Variants in ADAMTS18 observed in about 807,000 individuals in gnomAD.
ADAMTS18 encodes the protein ADAM metallopeptidase with thrombospondin type 1 motif 18, also known as A disintegrin and metalloproteinase with thrombospondin motifs 18.
ADAMTS18 carries 157 observed loss-of-function variants against 165.9 expected under a neutral mutation model. The ratio of observed to expected loss-of-function variants is 0.95; its 90% CI spans 0.83 to 1.08. The LOEUF is 1.08. ADAMTS18 is among the 50% of genes least tolerant of loss of function. ADAMTS18 has a pLI of 0.00. For synonymous variants in ADAMTS18, 782 were observed against 578.2 expected, an observed-to-expected ratio of 1.35 and a Z score of -5.06; for missense variants, 2,040 against 1,534.0, an observed-to-expected ratio of 1.33 and a Z score of -5.51.
intron 18 of ADAMTS18, among the ~76,000 whole-genome samples, chr16:77,295,658 C>A (rs2055455841): frequency 6.6e-6 from 1 of 152,128 alleles, no homozygotes; most frequent in Admixed American, 6.5e-5. Flanking sequence ...GAGAGGGGTA[C>A]ATTTAGAGAA....
chr16:77,421,644 T>G (rs1253462089), intron 3 of ADAMTS18, among the ~76,000 whole-genome samples: 1 of 152,192 alleles, frequency 6.6e-6, no homozygotes, highest in Non-Finnish European at 1.5e-5. Context: ...ACAAGCCAGG[T>G]ATTAATGATG....
At chr16:77,434,273 C>G in intron 2 of ADAMTS18, 145 bp downstream of exon 2, 1 of 960,260 alleles carries the variant, frequency 1.0e-6, no homozygotes, top group South Asian at 1.6e-5. Context: ...CCAACCTTCC[C>G]CCCTCTCCAA....
chr16:77,295,005 CAG>C lies in ADAMTS18; in HGVS notation c.2922_2923del (p.Cys975SerfsTer40). ...GACCTGAGTGGGTGTGCTCACTGGA[CAG>C]AGAGAATGCAACACTGCTTCCTCCT... On this transcript the variant is annotated frameshift_variant, in exon 19 of 23. Coordinates refer to ENST00000282849, the MANE Select transcript of ADAMTS18 (RefSeq NM_199355.4). LOFTEE classifies it high-confidence loss of function. The C allele has an allele frequency of 1.9e-6, 3 of 1,614,122 alleles. No homozygotes were observed. Among genetic ancestry groups the C allele is most frequent in the Non-Finnish European group, 2.5e-6 (3 of 1,180,032 alleles).
intron 12 of ADAMTS18, among the ~76,000 whole-genome samples, chr16:77,327,278 C>T (rs1313990587): frequency 6.6e-6 from 1 of 152,062 alleles, no homozygotes; most frequent in African/African-American, 2.4e-5. Flanking sequence ...TTGTGCACCC[C>T]TCACCCGATC....
At chr16:77,363,275 T>A (rs990786923) in intron 6 of ADAMTS18, among the ~76,000 whole-genome samples, 2 of 152,176 alleles carry the variant, frequency 1.3e-5, no homozygotes, top group African/African-American at 2.4e-5. Flanking sequence ...CAAGGACAGT[T>A]AAATATCCCT....
intron 3 of ADAMTS18, among the ~76,000 whole-genome samples, chr16:77,387,687 T>C (rs181481140): frequency 2.6e-5 from 4 of 152,316 alleles, no homozygotes; most frequent in South Asian, 2.1e-4. Flanking sequence ...CAGCTGGATG[T>C]TGAGTTTTTT....
intron 22 of ADAMTS18, among the ~76,000 whole-genome samples, chr16:77,286,534 G>GTTTT (rs2055254790): frequency 6.6e-6 from 1 of 152,128 alleles, no homozygotes; most frequent in Non-Finnish European, 1.5e-5. Context: ...TTATTTCCCA[G>GTTTT]TTTTATGAAT....
chr16:77,311,091 A>G (rs1028883619), intron 16 of ADAMTS18, among the ~76,000 whole-genome samples: 1 of 150,860 alleles, frequency 6.6e-6, no homozygotes, highest in Non-Finnish European at 1.5e-5. Context: ...GATGTCATAC[A>G]TATGAAAGGG....
chr16:77,318,753 A>C (rs1355526748), intron 16 of ADAMTS18, among the ~76,000 whole-genome samples: 1 of 152,006 alleles, frequency 6.6e-6, no homozygotes, highest in Admixed American at 6.6e-5. Flanking sequence ...AAGTCTTTTA[A>C]TCTTTTTTTT....
At chr16:77,411,098 T>A (rs1302395846) in intron 3 of ADAMTS18, among the ~76,000 whole-genome samples, 9 of 152,224 alleles carry the variant, frequency 5.9e-5, no homozygotes, top group Non-Finnish European at 1.2e-4. Context: ...CAGAGTAGTA[T>A]GGCAGCAATG....
chr16:77,304,601 T>C (rs2055648333), intron 16 of ADAMTS18, among the ~76,000 whole-genome samples: 1 of 152,212 alleles, frequency 6.6e-6, no homozygotes, highest in African/African-American at 2.4e-5. Flanking sequence ...GTAAAATCCT[T>C]GAACTAAAGG....
chr16:77,369,560 C>CAA (rs2056847265), intron 3 of ADAMTS18, among the ~76,000 whole-genome samples: 1 of 152,152 alleles, frequency 6.6e-6, no homozygotes, highest in Admixed American at 6.5e-5. Context: ...AACAGAAAAT[C>CAA]TGAACAAACC....
In ADAMTS18 at chr16:77,284,000, A is replaced by C; in HGVS notation, c.3622T>G (p.Phe1208Val). The C allele has an allele frequency of 1.2e-6, 2 of 1,613,896 alleles. No homozygotes were observed. Among genetic ancestry groups the C allele is most frequent in the Non-Finnish European group, 1.7e-6 (2 of 1,179,910 alleles). The change falls in exon 23 of 23, where the codon TTT becomes GTT. Residue 1208 changes from phenylalanine (F) to valine (V), a missense_variant. Phe to Val is a conservative substitution (Grantham distance 50). Coordinates refer to ENST00000282849, the MANE Select transcript of ADAMTS18 (RefSeq NM_199355.4). Reference protein sequence around the residue: ...VPQHGVCNHKFYGKQCCKSCT... With the variant: ...VPQHGVCNHKVYGKQCCKSCT... ...GACTTGCAGCATTGTTTTCCGTAAA[A>C]CTTGTGGTTGCAGACACCATGCTGA...
At chr16:77,389,774 G>C (rs368221297) in intron 3 of ADAMTS18, among the ~76,000 whole-genome samples, 1 of 152,202 alleles carries the variant, frequency 6.6e-6, no homozygotes, top group Non-Finnish European at 1.5e-5. Flanking sequence ...AGGGAGCAGA[G>C]GTGAAATAGA....
chr16:77,414,497 T>C (rs970510706), intron 3 of ADAMTS18, among the ~76,000 whole-genome samples: 5 of 152,234 alleles, frequency 3.3e-5, no homozygotes, highest in African/African-American at 9.6e-5. Flanking sequence ...AATACCAACA[T>C]AAATTTTCCC....
chr16:77,286,486 C>G (rs1370286085), intron 22 of ADAMTS18, among the ~76,000 whole-genome samples: 1 of 152,112 alleles, frequency 6.6e-6, no homozygotes. Context: ...AATGGAATTA[C>G]CTTCTTTAAT....
chr16:77,400,090 G>T (rs547024899), intron 3 of ADAMTS18, among the ~76,000 whole-genome samples: 1 of 152,158 alleles, frequency 6.6e-6, no homozygotes, highest in South Asian at 2.1e-4. Flanking sequence ...AATTTAAAAT[G>T]GAATCTCTGA....
At chr16:77,380,966 T>C (rs2057021587) in intron 3 of ADAMTS18, among the ~76,000 whole-genome samples, 1 of 152,162 alleles carries the variant, frequency 6.6e-6, no homozygotes, top group African/African-American at 2.4e-5. Flanking sequence ...CTCCACTTCC[T>C]GGGTTCAAGC....
At chr16:77,431,635 T>G (rs1597268634) in intron 2 of ADAMTS18, 24 bp from the exon 3 acceptor site, 1 of 1,612,188 alleles carries the variant, frequency 6.2e-7, no homozygotes, top group Non-Finnish European at 8.5e-7. Flanking sequence ...AGTTCAGCTG[T>G]CAGCACCCAG....
Sources: allele counts gnomAD v4.1 joint callset (sites outside exome capture counted in the v4.1 genomes callset), GRCh38; gene constraint gnomAD v4.1.1; transcripts MANE v1.5; gene names NCBI Gene and HGNC (gene_info 2026-07-23, HGNC 2026-07-21).